GABRB2: variants seen among roughly 807,000 people sequenced by gnomAD.
The protein encoded by GABRB2 is gamma-aminobutyric acid type A receptor subunit beta2, also known as gamma-aminobutyric acid receptor subunit beta-2.
A neutral mutation model predicts 54.7 loss-of-function variants in GABRB2; 16 were observed. The observed-to-expected ratio is 0.29, with a 90% CI of 0.20 to 0.44. The LOEUF (loss-of-function observed/expected upper bound fraction) is 0.44, where lower values mean the gene tolerates loss of function less well. GABRB2 is among the 20% of genes least tolerant of loss of function. The pLI is 1.00. For synonymous variants in GABRB2, 244 were observed against 233.8 expected, an observed-to-expected ratio of 1.04 and a Z score of -0.40; for missense variants, 355 against 644.0, an observed-to-expected ratio of 0.55 and a Z score of 4.86.
chr5:161,517,575 G>T (rs1383012879), intron 3 of GABRB2, among the ~76,000 whole-genome samples: 1 of 152,072 alleles, frequency 6.6e-6, no homozygotes, highest in African/African-American at 2.4e-5. Flanking sequence ...AGGGGGGACT[G>T]GTGTAAACAC....
At chr5:161,306,153 G>C (rs866192863) in intron 9 of GABRB2, among the ~76,000 whole-genome samples, 1 of 152,180 alleles carries the variant, frequency 6.6e-6, no homozygotes, top group Non-Finnish European at 1.5e-5. Context: ...AAAGTAATGA[G>C]GATGGGTTTG....
chr5:161,537,703 G>A (rs180854766), intron 3 of GABRB2, among the ~76,000 whole-genome samples: 126 of 152,036 alleles, frequency 8.3e-4, no homozygotes, highest in Non-Finnish European at 1.3e-3. Flanking sequence ...AACCATCTTC[G>A]ATAGGTGTGA....
At chr5:161,316,915 A>T (rs1758054122) in intron 9 of GABRB2, among the ~76,000 whole-genome samples, 1 of 152,108 alleles carries the variant, frequency 6.6e-6, no homozygotes, top group African/African-American at 2.4e-5. Flanking sequence ...TTCTTACTTG[A>T]CAGCGATAAT....
chr5:161,378,906 G>A (rs1037366551), intron 5 of GABRB2, among the ~76,000 whole-genome samples: 4 of 152,154 alleles, frequency 2.6e-5, no homozygotes, highest in African/African-American at 9.7e-5. Context: ...TTGCAAAGGA[G>A]CACCTGCACA....
intron 3 of GABRB2, among the ~76,000 whole-genome samples, chr5:161,485,696 A>C (rs1012768841): frequency 3.9e-5 from 6 of 151,958 alleles, no homozygotes; most frequent in African/African-American, 1.4e-4. Context: ...TGTTCATGAG[A>C]GATAACAACT....
At chr5:161,313,285 A>C (rs1757929761) in intron 9 of GABRB2, among the ~76,000 whole-genome samples, 1 of 152,146 alleles carries the variant, frequency 6.6e-6, no homozygotes, top group African/African-American at 2.4e-5. Flanking sequence ...GAATCCTTTA[A>C]ACCTCTTTCC....
chr5:161,396,310 G>A (rs146142936), intron 5 of GABRB2, among the ~76,000 whole-genome samples: 3 of 152,222 alleles, frequency 2.0e-5, no homozygotes, highest in African/African-American at 7.2e-5. Context: ...GTGATTAGAG[G>A]GACTGAAGAT....
intron 3 of GABRB2, among the ~76,000 whole-genome samples, chr5:161,486,509 C>T (rs576024723): frequency 2.6e-4 from 40 of 152,010 alleles, no homozygotes; most frequent in African/African-American, 7.5e-4. Flanking sequence ...GTTCTGATCC[C>T]GTCTATGATA....
chr5:161,398,259 T>C (rs1756066764), intron 5 of GABRB2, among the ~76,000 whole-genome samples: 1 of 152,200 alleles, frequency 6.6e-6, no homozygotes, highest in Admixed American at 6.5e-5. Flanking sequence ...GAGTAAACTT[T>C]AGTGAAATTA....
At chr5:161,501,689 T>C (rs890761471) in intron 3 of GABRB2, among the ~76,000 whole-genome samples, 2 of 152,024 alleles carry the variant, frequency 1.3e-5, no homozygotes, top group African/African-American at 4.8e-5. Context: ...ATTGTGTTTG[T>C]GTCTGCATTT....
intron 5 of GABRB2, among the ~76,000 whole-genome samples, chr5:161,408,268 T>G (rs944588875): frequency 1.3e-5 from 2 of 152,092 alleles, no homozygotes; most frequent in African/African-American, 4.8e-5. Context: ...AATATACTAC[T>G]TACAAATATA....
At chr5:161,295,479 T>C (rs1488809648) in intron 9 of GABRB2, among the ~76,000 whole-genome samples, 1 of 152,110 alleles carries the variant, frequency 6.6e-6, no homozygotes, top group Non-Finnish European at 1.5e-5. Flanking sequence ...TTTATTTTGG[T>C]AGATAATCAA....
At chr5:161,407,835 G>A (rs1287481151) in intron 5 of GABRB2, among the ~76,000 whole-genome samples, 1 of 151,966 alleles carries the variant, frequency 6.6e-6, no homozygotes, top group Non-Finnish European at 1.5e-5. Flanking sequence ...TTCAATTTTA[G>A]CAGTTAAGTT....
chr5:161,410,399 C>T, intron 5 of GABRB2, among the ~76,000 whole-genome samples: 1 of 18,860 alleles, frequency 5.3e-5, no homozygotes, highest in African/African-American at 8.8e-5. Context: ...CTCACACACA[C>T]ACACACACAC....
intron 9 of GABRB2, among the ~76,000 whole-genome samples, chr5:161,314,056 G>A (rs1251306102): frequency 6.6e-6 from 1 of 152,254 alleles, no homozygotes; most frequent in Non-Finnish European, 1.5e-5. Context: ...GCTCTCACGG[G>A]AATGCAGCCC....
chr5:161,306,762 T>C (rs1757702087), intron 9 of GABRB2, among the ~76,000 whole-genome samples: 1 of 151,954 alleles, frequency 6.6e-6, no homozygotes, highest in Non-Finnish European at 1.5e-5. Context: ...ACACGTTTAA[T>C]GCTCAACTAG....
At chr5:161,473,901 C>T (rs1300726553) in intron 3 of GABRB2, among the ~76,000 whole-genome samples, 1 of 151,826 alleles carries the variant, frequency 6.6e-6, no homozygotes, top group Non-Finnish European at 1.5e-5. Flanking sequence ...AACCAGAACC[C>T]CTGTTTTCAC....
chr5:161,474,391 C>T (rs914438848), intron 3 of GABRB2, among the ~76,000 whole-genome samples: 4 of 151,854 alleles, frequency 2.6e-5, no homozygotes, highest in Non-Finnish European at 5.9e-5. Flanking sequence ...CCTATGTTTC[C>T]CATTCTTTCT....
intron 4 of GABRB2, among the ~76,000 whole-genome samples, chr5:161,427,259 T>A (rs188463082): frequency 1.3e-4 from 20 of 152,278 alleles, no homozygotes; most frequent in Admixed American, 9.8e-4. Context: ...TAGGGAGTGA[T>A]GATCAGCTGT....
Sources: allele counts gnomAD v4.1 joint callset (sites outside exome capture counted in the v4.1 genomes callset), GRCh38; gene constraint gnomAD v4.1.1; transcripts MANE v1.5; gene names NCBI Gene and HGNC (gene_info 2026-07-23, HGNC 2026-07-21).